Variants in ZCCHC7 observed in about 807,000 individuals in gnomAD.
ZCCHC7 encodes zinc finger CCHC-type containing 7, also known as zinc finger CCHC domain-containing protein 7.
Under a neutral mutation model 52.0 loss-of-function variants are expected in ZCCHC7, and 35 were observed. The ratio of observed to expected loss-of-function variants is 0.67; its 90% CI spans 0.51 to 0.89. The LOEUF is 0.89. Ranked by LOEUF, ZCCHC7 falls within the 40% of genes least tolerant of loss-of-function variation. ZCCHC7 has a pLI of 0.00. For synonymous variants in ZCCHC7, 217 were observed against 221.5 expected (o/e 0.98, Z 0.18); for missense variants, 574 against 649.1 (o/e 0.88, Z 1.26).
At chr9:37,175,633 G>A (rs911203220) in intron 2 of ZCCHC7, among the ~76,000 whole-genome samples, 3 of 151,828 alleles carry the variant, frequency 2.0e-5, no homozygotes, top group African/African-American at 7.3e-5. Flanking sequence ...TCTACTCAAG[G>A]AGGCTGAGGC....
intron 2 of ZCCHC7, among the ~76,000 whole-genome samples, chr9:37,131,415 G>A (rs2132713063): frequency 6.6e-6 from 1 of 151,922 alleles, no homozygotes; most frequent in Non-Finnish European, 1.5e-5. Context: ...GGAGGCTGAG[G>A]TGGGTGGATC....
At chr9:37,320,743 G>A (rs1392269161) in intron 5 of ZCCHC7, among the ~76,000 whole-genome samples, 1 of 152,172 alleles carries the variant, frequency 6.6e-6, no homozygotes, top group Non-Finnish European at 1.5e-5. Context: ...ACCTAAGGAT[G>A]ATTATTTGTG....
intron 6 of ZCCHC7, among the ~76,000 whole-genome samples, chr9:37,337,005 G>A (rs1830699091): frequency 6.6e-6 from 1 of 152,080 alleles, no homozygotes; most frequent in South Asian, 2.1e-4. Context: ...GACAATTGGC[G>A]GAGGGGCCGA....
chr9:37,307,627 T>C (rs1829390012), intron 5 of ZCCHC7, among the ~76,000 whole-genome samples: 1 of 152,192 alleles, frequency 6.6e-6, no homozygotes, highest in South Asian at 2.1e-4. Context: ...AATACACCTA[T>C]AGTCTTTTTT....
intron 2 of ZCCHC7, among the ~76,000 whole-genome samples, chr9:37,226,865 C>G (rs1286539427): frequency 6.6e-6 from 1 of 152,034 alleles, no homozygotes; most frequent in South Asian, 2.1e-4. Context: ...CCTGTCTCTA[C>G]TAAAAATCCA....
intron 2 of ZCCHC7, among the ~76,000 whole-genome samples, chr9:37,164,995 G>T (rs371803172): frequency 6.6e-6 from 1 of 152,164 alleles, no homozygotes; most frequent in Non-Finnish European, 1.5e-5. Flanking sequence ...ATTCCAGATC[G>T]TGAACACGGT....
At chr9:37,150,951 CTGTGGGGTTTTTT>C (rs1435132545) in intron 2 of ZCCHC7, among the ~76,000 whole-genome samples, 3 of 148,358 alleles carry the variant, frequency 2.0e-5, no homozygotes, top group African/African-American at 7.4e-5. Flanking sequence ...TTTTCTATTT[CTGTGGGGTTTTTT>C]TGTTTTTTTT....
At chr9:37,191,488 C>T (rs949117819) in intron 2 of ZCCHC7, among the ~76,000 whole-genome samples, 2 of 151,916 alleles carry the variant, frequency 1.3e-5, no homozygotes, top group Admixed American at 6.6e-5. Context: ...TCTCCATGTC[C>T]CCTACTCCCA....
intron 2 of ZCCHC7, among the ~76,000 whole-genome samples, chr9:37,163,511 C>A (rs952715386): frequency 1.3e-5 from 2 of 152,098 alleles, no homozygotes; most frequent in Non-Finnish European, 2.9e-5. Context: ...GCTAACCCTA[C>A]GAACAGTCTT....
At chr9:37,268,069 A>G (rs1409213671) in intron 2 of ZCCHC7, among the ~76,000 whole-genome samples, 1 of 152,134 alleles carries the variant, frequency 6.6e-6, no homozygotes, top group East Asian at 1.9e-4. Context: ...CCCTATTAGC[A>G]TTTCTTATAA....
At chr9:37,121,926 G>T (rs1382344301) in intron 1 of ZCCHC7, among the ~76,000 whole-genome samples, 1 of 152,166 alleles carries the variant, frequency 6.6e-6, no homozygotes, top group Admixed American at 6.5e-5. Flanking sequence ...TTGAAAAATG[G>T]ACAGACATTT....
intron 2 of ZCCHC7, among the ~76,000 whole-genome samples, chr9:37,277,395 A>G (rs1466524092): frequency 6.6e-6 from 1 of 152,154 alleles, no homozygotes; most frequent in Non-Finnish European, 1.5e-5. Flanking sequence ...TTATCCCAGC[A>G]TTTAGGGCTG....
intron 2 of ZCCHC7, among the ~76,000 whole-genome samples, chr9:37,171,479 C>T (rs1012804751): frequency 6.6e-5 from 10 of 152,060 alleles, no homozygotes; most frequent in African/African-American, 1.9e-4. Flanking sequence ...TGCAGTGGTG[C>T]GATCATAAGC....
intron 5 of ZCCHC7, among the ~76,000 whole-genome samples, chr9:37,321,050 G>T (rs1041511192): frequency 6.9e-6 from 1 of 144,030 alleles, no homozygotes; most frequent in Non-Finnish European, 1.5e-5. Flanking sequence ...GTGCAGTGGC[G>T]TAATCTCGGC....
chr9:37,328,468 GTTTAC>G (rs1830334711), intron 6 of ZCCHC7, among the ~76,000 whole-genome samples: 1 of 152,006 alleles, frequency 6.6e-6, no homozygotes, highest in African/African-American at 2.4e-5. Flanking sequence ...TATGAAGTTA[GTTTAC>G]TTTTAATGTT....
intron 2 of ZCCHC7, among the ~76,000 whole-genome samples, chr9:37,271,093 G>C (rs1827388375): frequency 6.6e-6 from 1 of 152,170 alleles, no homozygotes; most frequent in African/African-American, 2.4e-5. Context: ...TGGATTTAAA[G>C]AATTATCGAT....
intron 2 of ZCCHC7, among the ~76,000 whole-genome samples, chr9:37,159,776 T>A (rs1436346491): frequency 2.0e-5 from 3 of 152,110 alleles, no homozygotes; most frequent in Non-Finnish European, 4.4e-5. Flanking sequence ...CTCCCAGGAT[T>A]AAGGAGGAGA....
chr9:37,326,457 C>T (rs996700119), intron 5 of ZCCHC7, among the ~76,000 whole-genome samples: 7 of 151,220 alleles, frequency 4.6e-5, no homozygotes, highest in African/African-American at 1.7e-4. Context: ...GACCACTAAA[C>T]AGTCTTTCCT....
At chr9:37,245,912 T>A (rs1826063098) in intron 2 of ZCCHC7, among the ~76,000 whole-genome samples, 1 of 152,008 alleles carries the variant, frequency 6.6e-6, no homozygotes, top group Admixed American at 6.6e-5. Context: ...TTAAAGGTAA[T>A]GGAGAATAGT....
Sources: gnomAD v4.1 joint callset for allele counts (sites outside exome capture counted in the v4.1 genomes callset) on GRCh38, gnomAD v4.1.1 for gene constraint, MANE v1.5 for transcripts, NCBI Gene and HGNC (gene_info 2026-07-23, HGNC 2026-07-21) for gene names.